KHDRBS1: variants seen among roughly 807,000 people sequenced by gnomAD.
KHDRBS1 encodes the protein KH domain-containing, RNA-binding, signal transduction-associated protein 1.
A neutral mutation model predicts 48.4 loss-of-function variants in KHDRBS1; 7 were observed. The ratio of observed to expected loss-of-function variants is 0.14; its 90% CI spans 0.08 to 0.27. KHDRBS1 has a LOEUF of 0.27. KHDRBS1 is among the 10% of genes least tolerant of loss of function. KHDRBS1 has a pLI of 1.00. For missense variants in KHDRBS1, 458 were observed against 601.2 expected (o/e 0.76, Z 2.49); for synonymous variants, 241 against 235.8 (o/e 1.02, Z -0.20).
intron 7 of KHDRBS1, 51 bp downstream of exon 7, chr1:32,038,670 G>C: frequency 6.5e-7 from 1 of 1,545,492 alleles, no homozygotes; most frequent in Non-Finnish European, 8.9e-7. Context: ...TGGATGGAGG[G>C]AGTTGGAGGA....
intron 10 of KHDRBS1, among the ~76,000 whole-genome samples, chr1:32,059,662 G>A (rs1639522481): frequency 6.6e-6 from 1 of 152,106 alleles, no homozygotes; most frequent in South Asian, 2.1e-4. Flanking sequence ...TGAGTATTTG[G>A]TGCTGGGATG....
intron 10 of KHDRBS1, among the ~76,000 whole-genome samples, chr1:32,051,721 C>G (rs1002296237): frequency 6.6e-6 from 1 of 152,242 alleles, no homozygotes; most frequent in South Asian, 2.1e-4. Context: ...TACTCTGACC[C>G]TTCCTTACCT....
rs76080682 is a variant in KHDRBS1 at position 32,013,930 on chromosome 1, A to G, written c.-66A>G. 4 of 1,337,148 alleles carry G rather than the reference A, an allele frequency of 3.0e-6. No homozygotes were observed. Among genetic ancestry groups the G allele is most frequent in the South Asian group, 1.8e-5 (1 of 56,078 alleles). 82.8% of individuals were successfully genotyped at this position (1,337,148 alleles called of 1,614,324 possible). ...CGCTCCCGCTCTGCCACCCCCGCCA[A>G]CCGCCGCTCGGGCCTCCGTCGCTGC... On this transcript the variant is annotated 5_prime_UTR_variant, in exon 1 of 9. Coordinates refer to ENST00000327300, the MANE Select transcript of KHDRBS1 (RefSeq NM_006559.3).
downstream of KHDRBS1, among the ~76,000 whole-genome samples, chr1:32,047,141 A>C (rs1206689067): frequency 6.6e-6 from 1 of 152,152 alleles, no homozygotes; most frequent in Non-Finnish European, 1.5e-5. Context: ...GTAAAATTCT[A>C]TCACTCACTA....
intron 10 of KHDRBS1, among the ~76,000 whole-genome samples, chr1:32,053,017 G>C (rs924002429): frequency 6.3e-5 from 8 of 126,172 alleles, no homozygotes; most frequent in African/African-American, 1.8e-4. Context: ...GCTAGATGTG[G>C]TGGTGCACGC....
At chr1:32,046,607 A>T (rs1171639390), downstream of KHDRBS1, among the ~76,000 whole-genome samples, 2 of 152,128 alleles carry the variant, frequency 1.3e-5, no homozygotes, top group East Asian at 3.9e-4. Context: ...TGGTTTGTGT[A>T]GTTGGGGGCT....
chr1:32,014,930 G>A (rs996008341), intron 1 of KHDRBS1, among the ~76,000 whole-genome samples: 1 of 152,210 alleles, frequency 6.6e-6, no homozygotes, highest in African/African-American at 2.4e-5. Flanking sequence ...GTTGCTGGGA[G>A]GAAGGAGCGA....
At chr1:32,019,538 AC>A (rs1405222893) in intron 1 of KHDRBS1, among the ~76,000 whole-genome samples, 4 of 152,280 alleles carry the variant, frequency 2.6e-5, no homozygotes, top group Non-Finnish European at 4.4e-5. Context: ...TCAAAAAAAA[AC>A]AAAAAGAAAG....
At position 32,042,831 on chromosome 1, in the gene KHDRBS1, A is replaced by G. The variant is rs563298980; in HGVS notation, c.*207A>G. 2.6e-5 allele frequency: 10 copies of G among 388,314 alleles called. No homozygotes were observed. The East Asian group carries it at 3.8e-4, about 15-fold the overall frequency. 24.1% of individuals were successfully genotyped at this position (388,314 alleles called of 1,614,324 possible). ...AGTATTTTAAAATGAGTTAAAATAG[A>G]TTTAGGAATATTGAATTAATTTTTT... On this transcript the variant is annotated 3_prime_UTR_variant, in exon 9 of 9. Coordinates refer to ENST00000327300, the MANE Select transcript of KHDRBS1 (RefSeq NM_006559.3).
At chr1:32,032,272 T>G (rs1639096047) in intron 3 of KHDRBS1, among the ~76,000 whole-genome samples, 1 of 152,250 alleles carries the variant, frequency 6.6e-6, no homozygotes, top group Non-Finnish European at 1.5e-5. Flanking sequence ...TGATGAGATA[T>G]TCCTGCTACA....
intron 10 of KHDRBS1, among the ~76,000 whole-genome samples, chr1:32,051,562 G>A (rs1252722522): frequency 6.6e-6 from 1 of 152,182 alleles, no homozygotes; most frequent in Non-Finnish European, 1.5e-5. Flanking sequence ...CCTGGTCATA[G>A]GTGGTTTTCC....
At chr1:32,039,469 A>C (rs1639243007) in intron 7 of KHDRBS1, 46 bp from the exon 8 acceptor site, 2 of 872,736 alleles carry the variant, frequency 2.3e-6, no homozygotes, top group Non-Finnish European at 4.0e-6. Flanking sequence ...GAAAGTTGAA[A>C]CATAGTTACT....
At chr1:32,049,163 C>T (rs1018811597) in intron 10 of KHDRBS1, among the ~76,000 whole-genome samples, 1 of 151,548 alleles carries the variant, frequency 6.6e-6, no homozygotes, top group African/African-American at 2.4e-5. Context: ...CAGGTTCAAG[C>T]GATTCTCCTG....
intron 1 of KHDRBS1, among the ~76,000 whole-genome samples, chr1:32,024,020 G>A (rs1332105608): frequency 6.6e-6 from 1 of 152,220 alleles, no homozygotes; most frequent in Admixed American, 6.5e-5. Context: ...GGGAGGCCAA[G>A]GTGGGTGGAT....
chr1:32,056,185 G>A (rs1332730177), intron 10 of KHDRBS1, among the ~76,000 whole-genome samples: 1 of 151,922 alleles, frequency 6.6e-6, no homozygotes, highest in Non-Finnish European at 1.5e-5. Context: ...ATCTCAGGCA[G>A]GGAATGGGCC....
At chr1:32,055,943 T>C (rs1261985460) in intron 10 of KHDRBS1, among the ~76,000 whole-genome samples, 5 of 152,202 alleles carry the variant, frequency 3.3e-5, no homozygotes, top group Non-Finnish European at 7.3e-5. Flanking sequence ...TCTCATCTAG[T>C]GTTCTGCAAA....
At chr1:32,018,941 C>A (rs907921330) in intron 1 of KHDRBS1, among the ~76,000 whole-genome samples, 1 of 150,528 alleles carries the variant, frequency 6.6e-6, no homozygotes. Flanking sequence ...TGTGGTGGCA[C>A]GTGCCTGTAA....
chr1:32,026,548 AG>A (rs1469352205), intron 1 of KHDRBS1, among the ~76,000 whole-genome samples: 1 of 152,336 alleles, frequency 6.6e-6, no homozygotes, highest in East Asian at 1.9e-4. Flanking sequence ...TGTTATAGAA[AG>A]GTCTTATACT....
intron 1 of KHDRBS1, among the ~76,000 whole-genome samples, chr1:32,026,380 A>ACTT (rs1452345829): frequency 1.3e-5 from 2 of 151,004 alleles, no homozygotes; most frequent in African/African-American, 2.4e-5. Context: ...CTGGTCCCAA[A>ACTT]CTCCTGGGCT....
Sources: allele counts gnomAD v4.1 joint callset (sites outside exome capture counted in the v4.1 genomes callset), GRCh38; gene constraint gnomAD v4.1.1; transcripts MANE v1.5; gene names NCBI Gene and HGNC (gene_info 2026-07-23, HGNC 2026-07-21).